Variants in HERC6 observed in about 807,000 individuals in gnomAD.
HERC6 encodes HECT and RLD domain containing E3 ubiquitin protein ligase family member 6.
A neutral mutation model predicts 114.5 loss-of-function variants in HERC6; 101 were observed. The observed-to-expected ratio is 0.88, with a 90% confidence interval of 0.75 to 1.04. HERC6 has a LOEUF of 1.04. Ranked by LOEUF, HERC6 falls within the 50% of genes least tolerant of loss-of-function variation. The probability of loss-of-function intolerance (pLI) is 0.00; values close to 1 mark genes in which losing one functional copy is unlikely to be tolerated. For synonymous variants in HERC6, 408 were observed against 436.2 expected (o/e 0.94, Z 0.81); for missense variants, 1,133 against 1,230.9 (o/e 0.92, Z 1.19).
chr4:88,410,373 A>G (rs1736025829), intron 11 of HERC6, among the ~76,000 whole-genome samples: 1 of 152,226 alleles, frequency 6.6e-6, no homozygotes, highest in Non-Finnish European at 1.5e-5. Flanking sequence ...TCAGATATGC[A>G]TCTATCTCAG....
chr4:88,411,477 G>C (rs1487015886), intron 11 of HERC6, among the ~76,000 whole-genome samples: 1 of 152,084 alleles, frequency 6.6e-6, no homozygotes, highest in Non-Finnish European at 1.5e-5. Flanking sequence ...TATTCTGCTA[G>C]ACATGTGAAA....
intron 10 of HERC6, 150 bp downstream of exon 10, chr4:88,405,763 T>C: frequency 2.4e-6 from 1 of 418,494 alleles, no homozygotes; most frequent in Non-Finnish European, 4.2e-6. Context: ...AATTCTTTCA[T>C]TTTATGAAGT....
chr4:88,396,144 T>G lies in HERC6; in HGVS notation c.887+2T>G. 6.4e-7 allele frequency: 1 copy of G among 1,572,298 alleles called. No homozygotes were observed. Among genetic ancestry groups the G allele is most frequent in the South Asian group, 1.2e-5 (1 of 83,528 alleles). On this transcript the variant is annotated splice_donor_variant, in intron 6 of 22. Transcript: ENST00000264346. LOFTEE classifies it high-confidence loss of function. ...AGTTTCGCAGATAGATTGTGGAAGG[T>G]AATAGGCTTCTTCTTCTTCTTTTTC...
At chr4:88,398,758 T>C (rs1255609367) in intron 8 of HERC6, 2 of 152,224 alleles carry the variant, frequency 1.3e-5, no homozygotes, top group African/African-American at 4.8e-5. Context: ...TGATGATAGA[T>C]AACAGTCATG....
At chr4:88,392,375 C>T (rs1163650648) in intron 4 of HERC6, among the ~76,000 whole-genome samples, 1 of 150,768 alleles carries the variant, frequency 6.6e-6, no homozygotes, top group African/African-American at 2.4e-5. Context: ...AGGTCAATAG[C>T]CTTGGGGTTT....
intron 11 of HERC6, among the ~76,000 whole-genome samples, chr4:88,410,278 G>A (rs530771237): frequency 1.3e-5 from 2 of 152,264 alleles, no homozygotes; most frequent in African/African-American, 4.8e-5. Context: ...ACTCAAAGCA[G>A]GGAGGGGCCT....
At chr4:88,398,784 A>G (rs892590562) in intron 8 of HERC6, 1 of 152,260 alleles carries the variant, frequency 6.6e-6, no homozygotes. Context: ...TTTTAACTGC[A>G]GTCACCAAGT....
intron 13 of HERC6, among the ~76,000 whole-genome samples, chr4:88,423,079 A>T (rs551417957): frequency 4.7e-4 from 68 of 145,406 alleles, no homozygotes; most frequent in African/African-American, 1.2e-3. Flanking sequence ...TGTTTTTTTT[A>T]AAGTCTTACC....
intron 18 of HERC6, among the ~76,000 whole-genome samples, chr4:88,436,478 T>C (rs1241958438): frequency 6.6e-6 from 1 of 152,208 alleles, no homozygotes; most frequent in Non-Finnish European, 1.5e-5. Flanking sequence ...TTTTGGCCTG[T>C]TTAATTCTTT....
chr4:88,426,542 C>T (rs1281726512), intron 15 of HERC6, among the ~76,000 whole-genome samples: 1 of 151,714 alleles, frequency 6.6e-6, no homozygotes, highest in Non-Finnish European at 1.5e-5. Context: ...TGCGATGGTG[C>T]GATTTCTGCT....
intron 15 of HERC6, among the ~76,000 whole-genome samples, chr4:88,425,735 G>A (rs1737538393): frequency 3.3e-5 from 5 of 151,996 alleles, no homozygotes; most frequent in Admixed American, 1.3e-4. Flanking sequence ...ATCAGCCTTA[G>A]TTCTCAGTTA....
intron 17 of HERC6, among the ~76,000 whole-genome samples, chr4:88,432,825 C>T (rs1334347334): frequency 1.3e-5 from 2 of 152,094 alleles, no homozygotes; most frequent in South Asian, 2.1e-4. Flanking sequence ...AAAGTATAAA[C>T]ATTTTCTTTC....
chr4:88,406,455 A>T (rs866077925), intron 10 of HERC6, among the ~76,000 whole-genome samples: 1 of 152,290 alleles, frequency 6.6e-6, no homozygotes, highest in East Asian at 1.9e-4. Flanking sequence ...CTGCATTCTC[A>T]GTCAGCTTGT....
chr4:88,398,040 A>C, intron 7 of HERC6, 102 bp from the exon 8 acceptor site: 1 of 646,884 alleles, frequency 1.5e-6, no homozygotes. Context: ...CATTTAGGAG[A>C]ATATAAATTG....
In HERC6 at chr4:88,424,713, C is replaced by A. The variant is rs1737426800; in HGVS notation, c.1935+11C>A. On this transcript the variant is annotated intron_variant, in intron 15 of 22. Transcript: ENST00000264346. ...CATATAAAGATGCAGGTATGTATGTCCTATTTTTTAGTATGAAAAATTTCA... is the reference window on the plus strand; with the variant it reads ...CATATAAAGATGCAGGTATGTATGTACTATTTTTTAGTATGAAAAATTTCA... The A allele has an allele frequency of 6.7e-7, 1 of 1,501,304 alleles. No individual in the cohort carries two copies. Among genetic ancestry groups the A allele is most frequent in the Non-Finnish European group, 9.2e-7 (1 of 1,090,832 alleles). The allele number at this position is 1,501,304 out of a possible 1,614,324, so 93.0% of individuals were successfully genotyped here.
At chr4:88,392,727 C>T (rs1317414432) in intron 4 of HERC6, among the ~76,000 whole-genome samples, 11 of 152,160 alleles carry the variant, frequency 7.2e-5, no homozygotes, top group Admixed American at 1.3e-4. Context: ...TCTATGAGGA[C>T]GTCTTTCCAG....
chr4:88,397,007 A>ACCACGCC lies in HERC6; in HGVS notation c.1024+20_1024+21insCCACGCC. 6.2e-7 allele frequency: 1 copy of ACCACGCC among 1,602,060 alleles called. No individual in the cohort carries two copies. Among genetic ancestry groups the ACCACGCC allele is most frequent in the Non-Finnish European group, 8.5e-7 (1 of 1,172,970 alleles). On this transcript the variant is annotated intron_variant, in intron 7 of 22. Coordinates refer to ENST00000264346, the MANE Select transcript of HERC6 (RefSeq NM_017912.4). Reference sequence around the variant, plus strand: ...CTGAAGGTGTGAATCCCACTAATTCATGATTTTGTGTTCATCAATGCCACT... The same window carrying ACCACGCC: ...CTGAAGGTGTGAATCCCACTAATTCACCACGCCTGATTTTGTGTTCATCAATGCCACT...
chr4:88,416,049 T>C (rs1313885116), intron 12 of HERC6, among the ~76,000 whole-genome samples: 1 of 152,194 alleles, frequency 6.6e-6, no homozygotes, highest in Non-Finnish European at 1.5e-5. Flanking sequence ...TCAGACCAGT[T>C]GGTGTCAGCC....
intron 10 of HERC6, among the ~76,000 whole-genome samples, chr4:88,407,203 G>C (rs572262739): frequency 1.3e-5 from 2 of 151,962 alleles, no homozygotes; most frequent in East Asian, 3.9e-4. Flanking sequence ...TCAGCCTCCT[G>C]AGTAGCTGGG....
Sources: gnomAD v4.1 joint callset for allele counts (sites outside exome capture counted in the v4.1 genomes callset) on GRCh38, gnomAD v4.1.1 for gene constraint, MANE v1.5 for transcripts, NCBI Gene and HGNC (gene_info 2026-07-23, HGNC 2026-07-21) for gene names.